Variants in ABTB3 observed in about 807,000 individuals in gnomAD.
ABTB3 encodes ankyrin repeat- and BTB/POZ domain-containing protein 3.
At chr12:107,552,249 A>T in the ABTB3 span, among the ~76,000 whole-genome samples, 1 of 152,190 alleles carries the variant, frequency 6.6e-6, no homozygotes, top group East Asian at 1.9e-4. Context: ...TTCCATAGGC[A>T]GTGGTTTTAA....
chr12:107,616,694 A>C, the ABTB3 span, among the ~76,000 whole-genome samples: 1 of 152,224 alleles, frequency 6.6e-6, no homozygotes, highest in Non-Finnish European at 1.5e-5. Context: ...TTGTGTAACC[A>C]GCCCAGGAGG....
At chr12:107,493,765 A>T in the ABTB3 span, among the ~76,000 whole-genome samples, 1 of 152,182 alleles carries the variant, frequency 6.6e-6, no homozygotes, top group Non-Finnish European at 1.5e-5. Context: ...ACACACACTT[A>T]AGAACACCAT....
At chr12:107,561,993 A>C in the ABTB3 span, among the ~76,000 whole-genome samples, 1 of 152,218 alleles carries the variant, frequency 6.6e-6, no homozygotes, top group Middle Eastern at 3.4e-3. Flanking sequence ...GCATTCCTTT[A>C]TCATAAAGCT....
chr12:107,508,438 C>CTTTTTTTTTTTTTT, the ABTB3 span, among the ~76,000 whole-genome samples: 59 of 69,164 alleles, frequency 8.5e-4, 8 homozygotes, highest in Non-Finnish European at 1.1e-3. Context: ...AAGATCATTT[C>CTTTTTTTTTTTTTT]TTTTTTTTTT....
chr12:107,440,052 A>T, the ABTB3 span, among the ~76,000 whole-genome samples: 2 of 152,136 alleles, frequency 1.3e-5, no homozygotes, highest in Non-Finnish European at 2.9e-5. Context: ...GGTTATTAGA[A>T]GTCTTGTCTG....
chr12:107,657,371 G>A, the ABTB3 span: 1 of 735,436 alleles, frequency 1.4e-6, no homozygotes, highest in African/African-American at 1.7e-5. Context: ...TACCCCATGG[G>A]TGTGTGCTGG....
chr12:107,469,992 CTTTCTT>C, the ABTB3 span, among the ~76,000 whole-genome samples: 2 of 96,538 alleles, frequency 2.1e-5, no homozygotes, highest in African/African-American at 1.1e-4. Flanking sequence ...TTCTTTCTTT[CTTTCTT>C]TCTTTCTTTC....
chr12:107,424,186 G>A, the ABTB3 span, among the ~76,000 whole-genome samples: 1 of 152,200 alleles, frequency 6.6e-6, no homozygotes. Context: ...CCACCCTGGG[G>A]TCGTCTCCCT....
chr12:107,474,695 T>G, the ABTB3 span, among the ~76,000 whole-genome samples: 1 of 152,112 alleles, frequency 6.6e-6, no homozygotes, highest in Non-Finnish European at 1.5e-5. Context: ...ATACATGGAA[T>G]GAGAGAGAAC....
At chr12:107,578,364 A>T in the ABTB3 span, among the ~76,000 whole-genome samples, 10 of 117,086 alleles carry the variant, frequency 8.5e-5, no homozygotes, top group Middle Eastern at 4.8e-3. Flanking sequence ...AAGGCAGCAG[A>T]GCCTTTTTCT....
the ABTB3 span, among the ~76,000 whole-genome samples, chr12:107,414,843 G>A: frequency 6.6e-6 from 1 of 151,202 alleles, no homozygotes; most frequent in African/African-American, 2.4e-5. Flanking sequence ...TCAGCCTCCC[G>A]AGTAGCTGGG....
At chr12:107,452,827 G>A in the ABTB3 span, among the ~76,000 whole-genome samples, 4 of 152,142 alleles carry the variant, frequency 2.6e-5, no homozygotes, top group Non-Finnish European at 4.4e-5. Context: ...GGCAACAAGA[G>A]TGAAACTCCA....
At chr12:107,465,221 G>A in the ABTB3 span, among the ~76,000 whole-genome samples, 5 of 152,126 alleles carry the variant, frequency 3.3e-5, no homozygotes, top group Non-Finnish European at 5.9e-5. Flanking sequence ...AGTGCCCCGA[G>A]GATTTGATGC....
chr12:107,530,206 G>A, the ABTB3 span, among the ~76,000 whole-genome samples: 1 of 152,214 alleles, frequency 6.6e-6, no homozygotes, highest in East Asian at 1.9e-4. Flanking sequence ...GTACCTGACC[G>A]TCAGGCTTCC....
the ABTB3 span, among the ~76,000 whole-genome samples, chr12:107,627,098 G>T: frequency 6.6e-6 from 1 of 152,220 alleles, no homozygotes; most frequent in African/African-American, 2.4e-5. Context: ...AAGTCACAGT[G>T]TGTATTCAAA....
chr12:107,656,568 G>A, the ABTB3 span, among the ~76,000 whole-genome samples: 1 of 152,350 alleles, frequency 6.6e-6, no homozygotes, highest in South Asian at 2.1e-4. Flanking sequence ...ACTAGTCTAG[G>A]GAATGAGAGC....
At chr12:107,484,780 T>A in the ABTB3 span, among the ~76,000 whole-genome samples, 2 of 152,120 alleles carry the variant, frequency 1.3e-5, no homozygotes, top group African/African-American at 4.8e-5. Flanking sequence ...TGAGAAGCAG[T>A]TGGGCTCTGC....
the ABTB3 span, among the ~76,000 whole-genome samples, chr12:107,412,861 T>A: frequency 1.3e-5 from 2 of 152,008 alleles, no homozygotes; most frequent in Admixed American, 1.3e-4. Flanking sequence ...ATCATCAGGA[T>A]CATGTGAAGG....
the ABTB3 span, among the ~76,000 whole-genome samples, chr12:107,489,429 A>G: frequency 1.3e-5 from 2 of 152,182 alleles, no homozygotes; most frequent in Admixed American, 6.5e-5. Flanking sequence ...CTGAGGCAGG[A>G]GAATCACTCG....
Sources: gnomAD v4.1 joint callset for allele counts (sites outside exome capture counted in the v4.1 genomes callset) on GRCh38, gnomAD v4.1.1 for gene constraint, MANE v1.5 for transcripts, NCBI Gene and HGNC (gene_info 2026-07-23, HGNC 2026-07-21) for gene names.